Variants in RETREG1 observed in about 807,000 individuals in gnomAD.
RETREG1 encodes family with sequence similarity 134 member B.
Under a neutral mutation model 54.8 loss-of-function variants are expected in RETREG1, and 44 were observed. The observed-to-expected ratio is 0.80, with a 90% confidence interval of 0.63 to 1.03. The LOEUF is 1.03. Among genes scored for constraint, RETREG1 ranks in the 50% least tolerant of loss-of-function variants. The pLI is 0.00. For synonymous variants in RETREG1, 217 were observed against 238.5 expected, an observed-to-expected ratio of 0.91 and a Z score of 0.83; for missense variants, 554 against 605.1, an observed-to-expected ratio of 0.92 and a Z score of 0.89.
At chr5:16,599,745 C>T (rs1420594068) in intron 1 of RETREG1, among the ~76,000 whole-genome samples, 1 of 152,214 alleles carries the variant, frequency 6.6e-6, no homozygotes, top group Non-Finnish European at 1.5e-5. Context: ...TCTTTCTCCT[C>T]TTCCTCCCCA....
intron 3 of RETREG1, among the ~76,000 whole-genome samples, chr5:16,491,841 G>A (rs1739257913): frequency 6.6e-6 from 1 of 151,990 alleles, no homozygotes; most frequent in South Asian, 2.1e-4. Context: ...TAGACAACAT[G>A]GCAAGACCCT....
chr5:16,473,080 T>C lies in RETREG1; in HGVS notation c.*1661A>G, dbSNP rs1738371126. On this transcript the variant is annotated 3_prime_UTR_variant, in exon 9 of 9. Transcript: ENST00000306320. ...TTATAAATATGTAACTGTATTTTTC[T>C]TCCTGTCCAGAAACTGTTATTGAAT... 1 of 152,420 alleles carries C rather than the reference T, an allele frequency of 6.6e-6. No homozygotes were observed. Among genetic ancestry groups the C allele is most frequent in the South Asian group, 2.1e-4 (1 of 4,834 alleles). The allele number at this position is 152,420 out of a possible 1,614,324, so 9.4% of individuals were successfully genotyped here. A position where few individuals can be genotyped will look rare whatever the true frequency, so the allele number is the denominator to read the frequency against.
intron 4 of RETREG1, among the ~76,000 whole-genome samples, chr5:16,482,100 A>T (rs79401415): frequency 0.031 from 4,648 of 152,118 alleles, 248 homozygotes; most frequent in African/African-American, 0.11. Context: ...TAAATTAACT[A>T]GTCAAAAGTA....
At chr5:16,605,824 C>T (rs747124242) in intron 1 of RETREG1, among the ~76,000 whole-genome samples, 150 of 152,240 alleles carry the variant, frequency 9.9e-4, no homozygotes, top group Non-Finnish European at 1.6e-3. Context: ...ACCTCTGACC[C>T]CTTTTATAAG....
At chr5:16,584,975 T>G (rs115101642) in intron 1 of RETREG1, among the ~76,000 whole-genome samples, 12,063 of 150,720 alleles carry the variant, frequency 0.08, 543 homozygotes, top group Non-Finnish European at 0.11. Context: ...TCAGAAGCCT[T>G]TTTTTTTTCC....
intron 3 of RETREG1, among the ~76,000 whole-genome samples, chr5:16,505,590 A>G (rs1289177423): frequency 6.6e-6 from 1 of 152,192 alleles, no homozygotes; most frequent in Admixed American, 6.5e-5. Context: ...CGCTTCCACA[A>G]GAAGATGCAT....
chr5:16,610,691 C>G (rs938406419), intron 1 of RETREG1, among the ~76,000 whole-genome samples: 1 of 152,182 alleles, frequency 6.6e-6, no homozygotes, highest in Admixed American at 6.5e-5. Context: ...AAATGCAAAT[C>G]AAAACCACAA....
chr5:16,573,390 C>T (rs989526472), intron 1 of RETREG1, among the ~76,000 whole-genome samples: 1 of 152,074 alleles, frequency 6.6e-6, no homozygotes, highest in Admixed American at 6.5e-5. Flanking sequence ...AGCGTTGAGC[C>T]TTCACATGAG....
intron 1 of RETREG1, chr5:16,616,331 G>C (rs908663828): frequency 2.9e-6 from 1 of 347,636 alleles, no homozygotes; most frequent in African/African-American, 2.2e-5. Flanking sequence ...CAAGACCTCA[G>C]AGTTTTAGAA....
At position 16,483,384 on chromosome 5, in the gene RETREG1, G is replaced by T; in HGVS notation, c.547C>A (p.Gln183Lys). Residue 183 changes from glutamine to lysine, a missense_variant, in exon 4 of 9, where the codon CAA (glutamine) becomes AAA (lysine). By Grantham distance (53) the Gln-to-Lys change is moderately conservative (BLOSUM62 1). This residue lies in a region of RETREG1 where 347 missense variants were observed against 412.3 expected (regional missense o/e 0.84). Coordinates refer to ENST00000306320, the MANE Select transcript of RETREG1 (RefSeq NM_001034850.3). ...TGCTGTTTAAAAAGAGACATTTCTT[G>T]AAGAAATATGCTGAAATTCATCCAT... ...ESWMNFSIFL[Q>K]EMSLFKQQSP... The T allele has an allele frequency of 1.2e-6, 2 of 1,613,336 alleles. No homozygotes were observed. Among genetic ancestry groups the T allele is most frequent in the Non-Finnish European group, 1.7e-6 (2 of 1,179,414 alleles).
chr5:16,579,244 A>T (rs1369171135), intron 1 of RETREG1, among the ~76,000 whole-genome samples: 1 of 152,188 alleles, frequency 6.6e-6, no homozygotes, highest in African/African-American at 2.4e-5. Flanking sequence ...GTATCCCTTC[A>T]GGAAGGGATC....
chr5:16,474,677 T>C lies in RETREG1; in HGVS notation c.*64A>G. 1 of 1,553,380 alleles carries C rather than the reference T, an allele frequency of 6.4e-7. No homozygotes were observed. The highest frequency in any genetic ancestry group is 8.6e-7 in the Non-Finnish European group (1 of 1,157,200). On this transcript the variant is annotated 3_prime_UTR_variant, in exon 9 of 9. Coordinates refer to ENST00000306320, the MANE Select transcript of RETREG1 (RefSeq NM_001034850.3). ...TCAATTTTTTTCTTTTCCTTTTTTTTTTTTTTTTCTTGTTTGAAATTTTTT... is the reference window on the plus strand; with the variant it reads ...TCAATTTTTTTCTTTTCCTTTTTTTCTTTTTTTTCTTGTTTGAAATTTTTT...
chr5:16,567,917 A>T (rs568967134), intron 2 of RETREG1, among the ~76,000 whole-genome samples: 3 of 152,202 alleles, frequency 2.0e-5, no homozygotes, highest in Admixed American at 6.5e-5. Flanking sequence ...CTATGATCAC[A>T]CCACTGCACT....
intron 6 of RETREG1, 75 bp downstream of exon 6, chr5:16,478,775 A>C: frequency 3.8e-6 from 5 of 1,316,336 alleles, no homozygotes; most frequent in Non-Finnish European, 5.5e-6. Flanking sequence ...CCTCAAATGT[A>C]TTAAAGAATT....
At position 16,588,113 on chromosome 5, in the gene RETREG1, T is replaced by C. The variant is rs575573413; in HGVS notation, c.321-16011A>G. 5.9e-5 allele frequency among the ~76,000 whole-genome samples: 9 copies of C among 152,314 alleles called. 1 individual carries two copies. In the South Asian group the frequency reaches 1.9e-3, roughly 32 times the overall value. The stretch of plus-strand genomic sequence containing the variant: ...AGGCTTTTACATCTCTTGGGCCAAC[T>C]GTATTACTTTGCAAGAACAAAACAC... On this transcript the variant is annotated intron_variant, in intron 1 of 8. Coordinates refer to ENST00000306320, the MANE Select transcript of RETREG1 (RefSeq NM_001034850.3).
intron 3 of RETREG1, among the ~76,000 whole-genome samples, chr5:16,558,402 A>G (rs772272719): frequency 8.5e-5 from 13 of 152,236 alleles, no homozygotes; most frequent in Non-Finnish European, 1.8e-4. Flanking sequence ...TGGACTTCTC[A>G]GCCTTCAGAA....
chr5:16,516,398 G>A (rs1740356882), intron 3 of RETREG1, among the ~76,000 whole-genome samples: 1 of 152,132 alleles, frequency 6.6e-6, no homozygotes, highest in Non-Finnish European at 1.5e-5. Context: ...CCTCCCCTAA[G>A]TCAGTCTTTC....
chr5:16,551,524 C>T (rs1741542060), intron 3 of RETREG1, among the ~76,000 whole-genome samples: 1 of 152,112 alleles, frequency 6.6e-6, no homozygotes, highest in Non-Finnish European at 1.5e-5. Flanking sequence ...TAAGGACATT[C>T]TCCCAGGCCC....
intron 2 of RETREG1, among the ~76,000 whole-genome samples, chr5:16,567,996 G>A (rs978255315): frequency 6.6e-6 from 1 of 151,946 alleles, no homozygotes; most frequent in Admixed American, 6.6e-5. Flanking sequence ...AAAGAAAGCG[G>A]GGGGCAGATA....
Sources: allele counts gnomAD v4.1 joint callset (sites outside exome capture counted in the v4.1 genomes callset), GRCh38; gene constraint gnomAD v4.1.1; regional missense constraint gnomAD v4.1.1; transcripts MANE v1.5; gene names NCBI Gene and HGNC (gene_info 2026-07-23, HGNC 2026-07-21).